Variants in ITPR2 observed in about 807,000 individuals in gnomAD.
ITPR2 encodes inositol 1,4,5-trisphosphate receptor type 2, also known as inositol 1,4,5-trisphosphate-gated calcium channel ITPR2.
ITPR2 carries 207 observed loss-of-function variants against 317.1 expected under a neutral mutation model. The observed-to-expected ratio is 0.65, with a 90% CI of 0.58 to 0.73. The LOEUF (loss-of-function observed/expected upper bound fraction) is 0.73. Ranked by LOEUF, ITPR2 falls within the 30% of genes least tolerant of loss-of-function variation. The pLI, the probability that ITPR2 is intolerant of heterozygous loss-of-function variation, is 0.00. For missense variants in ITPR2, 2,613 were observed against 3,284.0 expected, an observed-to-expected ratio of 0.80 and a Z score of 4.99; for synonymous variants, 1,156 against 1,149.1, an observed-to-expected ratio of 1.01 and a Z score of -0.12.
intron 10 of ITPR2, among the ~76,000 whole-genome samples, chr12:26,691,820 G>A (rs978934327): frequency 6.6e-6 from 1 of 151,920 alleles, no homozygotes; most frequent in African/African-American, 2.4e-5. Flanking sequence ...TCAGACCTGT[G>A]AGCGGCCACA....
chr12:26,656,145 C>T, intron 19 of ITPR2, 152 bp downstream of exon 19: 1 of 1,016,664 alleles, frequency 9.8e-7, no homozygotes, highest in Non-Finnish European at 1.4e-6. Context: ...TTTCACCCTT[C>T]AAAACGAGTA....
At chr12:26,824,798 G>A (rs1950986874) in intron 1 of ITPR2, among the ~76,000 whole-genome samples, 1 of 152,016 alleles carries the variant, frequency 6.6e-6, no homozygotes, top group Non-Finnish European at 1.5e-5. Flanking sequence ...CATATATATT[G>A]TTTTGAATAT....
intron 51 of ITPR2, among the ~76,000 whole-genome samples, chr12:26,411,617 C>T (rs1432532629): frequency 1.3e-5 from 2 of 152,186 alleles, no homozygotes; most frequent in African/African-American, 4.8e-5. Context: ...CTTCATAGGC[C>T]AACCCACTAA....
chr12:26,474,489 C>G (rs946112161), intron 45 of ITPR2, among the ~76,000 whole-genome samples: 17 of 152,132 alleles, frequency 1.1e-4, no homozygotes, highest in Non-Finnish European at 2.9e-5. Context: ...AAAATGGAAA[C>G]AGTTCCTTCA....
chr12:26,414,088 A>ACACACACACACACAC (rs1940645837), intron 51 of ITPR2, among the ~76,000 whole-genome samples: 5 of 72,550 alleles, frequency 6.9e-5, no homozygotes, highest in African/African-American at 2.4e-4. Flanking sequence ...CACACACACA[A>ACACACACACACACAC]ACACAAGTCC....
intron 2 of ITPR2, among the ~76,000 whole-genome samples, chr12:26,744,095 A>G (rs1413439488): frequency 6.6e-6 from 1 of 152,244 alleles, no homozygotes; most frequent in Non-Finnish European, 1.5e-5. Flanking sequence ...TCATGCAGCA[A>G]GCACTGTAAG....
intron 1 of ITPR2, among the ~76,000 whole-genome samples, chr12:26,827,580 C>CA (rs1451505667): frequency 6.6e-6 from 1 of 152,144 alleles, no homozygotes; most frequent in Non-Finnish European, 1.5e-5. Context: ...TACCTTATGG[C>CA]AGAAATTCCC....
chr12:26,565,933 AGAGGG>A (rs1944959488), intron 34 of ITPR2, among the ~76,000 whole-genome samples: 1 of 8,662 alleles, frequency 1.2e-4, no homozygotes, highest in Admixed American at 1.6e-3. Context: ...GGAGGAGAGG[AGAGGG>A]GAGGAGAGGA....
intron 55 of ITPR2, among the ~76,000 whole-genome samples, chr12:26,348,684 G>C (rs1173262288): frequency 6.6e-6 from 1 of 152,148 alleles, no homozygotes. Flanking sequence ...ATACAGTTGT[G>C]TTCTTTGAAA....
chr12:26,667,327 C>T (rs1947650872), intron 13 of ITPR2, among the ~76,000 whole-genome samples: 1 of 152,184 alleles, frequency 6.6e-6, no homozygotes, highest in Non-Finnish European at 1.5e-5. Context: ...ACCTAGAATC[C>T]ATAATTTAGT....
intron 41 of ITPR2, 92 bp downstream of exon 41, chr12:26,486,012 G>T: frequency 7.4e-7 from 1 of 1,347,086 alleles, no homozygotes; most frequent in Non-Finnish European, 1.0e-6. Context: ...TTTCTAAAAT[G>T]CTCTCCGAAA....
At chr12:26,429,489 A>G (rs966802004) in intron 48 of ITPR2, among the ~76,000 whole-genome samples, 1 of 152,034 alleles carries the variant, frequency 6.6e-6, no homozygotes, top group Non-Finnish European at 1.5e-5. Context: ...GCTTGTAAGC[A>G]CTCCACATCT....
intron 21 of ITPR2, among the ~76,000 whole-genome samples, chr12:26,653,530 G>A (rs1461008997): frequency 5.3e-5 from 8 of 152,084 alleles, no homozygotes; most frequent in East Asian, 1.9e-4. Context: ...GTGAGCCACC[G>A]TGCCTGGCCT....
At chr12:26,769,791 G>A (rs892504008) in intron 2 of ITPR2, among the ~76,000 whole-genome samples, 2 of 151,992 alleles carry the variant, frequency 1.3e-5, no homozygotes, top group African/African-American at 4.8e-5. Flanking sequence ...AGAGAAGACC[G>A]GATGGGGGGA....
At chr12:26,802,992 T>A (rs935470002) in intron 1 of ITPR2, among the ~76,000 whole-genome samples, 1 of 152,314 alleles carries the variant, frequency 6.6e-6, no homozygotes, top group South Asian at 2.1e-4. Context: ...ATATGGAATA[T>A]TAACATACCA....
chr12:26,536,491 A>G (rs1019832382), intron 37 of ITPR2, among the ~76,000 whole-genome samples: 10 of 152,242 alleles, frequency 6.6e-5, no homozygotes, highest in African/African-American at 2.4e-4. Flanking sequence ...TTGAGGGGTC[A>G]GTGGTTTTCA....
intron 47 of ITPR2, among the ~76,000 whole-genome samples, chr12:26,438,801 G>A (rs1434700845): frequency 1.3e-5 from 2 of 152,214 alleles, no homozygotes; most frequent in African/African-American, 4.8e-5. Context: ...AGGCCAGTCA[G>A]GGCCCATTCA....
rs1555157717 is a variant in ITPR2, at chr12:26,567,978, T to TA, written c.4631-6027_4631-6026insT. 6.1e-3 allele frequency among the ~76,000 whole-genome samples: 165 copies of TA among 27,158 alleles called. 3 individuals are homozygous for TA. Among genetic ancestry groups the TA allele is most frequent in the African/African-American group, 0.017 (134 of 7,930 alleles). 17.8% of individuals were successfully genotyped at this position (27,158 alleles called of 152,430 possible). On this transcript the variant is annotated intron_variant, in intron 34 of 56. Coordinates refer to ENST00000381340, the MANE Select transcript of ITPR2 (RefSeq NM_002223.4). Reference sequence around the variant, plus strand: ...TATATATATATATATATTATATATATTATATATATATATATATATTATATA... The same window carrying TA: ...TATATATATATATATATTATATATATATATATATATATATATATATTATATA...
At chr12:26,782,014 A>G (rs1592123547) in intron 2 of ITPR2, among the ~76,000 whole-genome samples, 1 of 31,014 alleles carries the variant, frequency 3.2e-5, no homozygotes, top group African/African-American at 1.1e-4. Flanking sequence ...ATATATATAT[A>G]TATATATATA....
Sources: allele counts gnomAD v4.1 joint callset (sites outside exome capture counted in the v4.1 genomes callset), GRCh38; gene constraint gnomAD v4.1.1; transcripts MANE v1.5; gene names NCBI Gene and HGNC (gene_info 2026-07-23, HGNC 2026-07-21).